SLC24A3: variants seen among roughly 807,000 people sequenced by gnomAD.
SLC24A3 encodes sodium/potassium/calcium exchanger 3.
A neutral mutation model predicts 75.8 loss-of-function variants in SLC24A3; 28 were observed. The ratio of observed to expected loss-of-function variants is 0.37; its 90% CI spans 0.27 to 0.51. SLC24A3 has a LOEUF of 0.51. Among genes scored for constraint, SLC24A3 ranks in the 20% least tolerant of loss-of-function variants. The probability of loss-of-function intolerance (pLI) is 0.94; values close to 1 mark genes in which losing one functional copy is unlikely to be tolerated. For missense variants in SLC24A3, 663 were observed against 847.8 expected (o/e 0.78, Z 2.71); for synonymous variants, 372 against 334.1 (o/e 1.11, Z -1.24).
In SLC24A3 at chr20:19,274,660, C is replaced by T. The variant is rs552835797; in HGVS notation, c.143-6299C>T. Reference sequence around the variant, plus strand: ...AAAATCTACCTGTACGAAGCCAGGGCCTCCACTGCTCCCCTCTTCATCCAC... The same window carrying T: ...AAAATCTACCTGTACGAAGCCAGGGTCTCCACTGCTCCCCTCTTCATCCAC... On this transcript the variant is annotated intron_variant, in intron 1 of 16. Coordinates refer to ENST00000328041, the MANE Select transcript of SLC24A3 (RefSeq NM_020689.4). 6.6e-4 allele frequency among the ~76,000 whole-genome samples: 100 copies of T among 152,308 alleles called. 1 individual carries two copies. Among genetic ancestry groups the T allele is most frequent in the African/African-American group, 1.9e-3 (77 of 41,580 alleles).
intron 6 of SLC24A3, among the ~76,000 whole-genome samples, chr20:19,628,542 A>C (rs1600309831): frequency 6.6e-6 from 1 of 152,284 alleles, no homozygotes; most frequent in Middle Eastern, 3.4e-3. Context: ...CTTCAGGAGG[A>C]AAAGAAAAAG....
At chr20:19,669,439 T>G (rs1024525706) in intron 8 of SLC24A3, among the ~76,000 whole-genome samples, 2 of 151,562 alleles carry the variant, frequency 1.3e-5, no homozygotes, top group African/African-American at 4.9e-5. Flanking sequence ...GCAGCGGAGG[T>G]TGCTGTGAGC....
intron 2 of SLC24A3, among the ~76,000 whole-genome samples, chr20:19,480,159 G>A (rs1432409339): frequency 2.0e-5 from 3 of 152,182 alleles, no homozygotes; most frequent in East Asian, 1.9e-4. Context: ...GGACTGAAAT[G>A]TGTTCAGTAT....
At chr20:19,481,979 G>A (rs1039293040) in intron 2 of SLC24A3, among the ~76,000 whole-genome samples, 3 of 151,960 alleles carry the variant, frequency 2.0e-5, no homozygotes, top group Admixed American at 6.5e-5. Flanking sequence ...TCTTCCTCCC[G>A]GGTTCCCACC....
rs767224054 is a variant in SLC24A3 at position 19,434,995 on chromosome 20, CT to C, written c.272-80491del. Among the ~76,000 whole-genome samples, 3 of 152,310 alleles carry C rather than the reference CT, an allele frequency of 2.0e-5. No individual in the cohort carries two copies. In the East Asian group the frequency reaches 5.8e-4, roughly 29 times the overall value. ...AAAAATTCAAAAAAGGCTATCTTTC[CT>C]TAGTCTTCCCCGTAGCTTGAGGTGC... On this transcript the variant is annotated intron_variant, in intron 2 of 16. Coordinates refer to ENST00000328041, the MANE Select transcript of SLC24A3 (RefSeq NM_020689.4).
chr20:19,249,068 G>A (rs78748874), intron 1 of SLC24A3, among the ~76,000 whole-genome samples: 10 of 151,908 alleles, frequency 6.6e-5, no homozygotes, highest in African/African-American at 2.2e-4. Context: ...TTGAGATAAC[G>A]AATATGTGAA....
chr20:19,626,893 G>C (rs560831587), intron 6 of SLC24A3, among the ~76,000 whole-genome samples: 54 of 152,280 alleles, frequency 3.5e-4, no homozygotes, highest in African/African-American at 1.2e-3. Flanking sequence ...CTGTCACGTA[G>C]AGCCAGTTGA....
At chr20:19,417,909 AG>A (rs1318228383) in intron 2 of SLC24A3, among the ~76,000 whole-genome samples, 2 of 152,194 alleles carry the variant, frequency 1.3e-5, no homozygotes, top group Non-Finnish European at 2.9e-5. Flanking sequence ...TGTACTCTCT[AG>A]GTAGGAAGTT....
intron 2 of SLC24A3, among the ~76,000 whole-genome samples, chr20:19,430,523 A>G (rs769008430): frequency 2.6e-5 from 4 of 152,182 alleles, no homozygotes; most frequent in African/African-American, 9.7e-5. Flanking sequence ...TTTATGTGGA[A>G]TTTAAAAACA....
At chr20:19,285,117 C>A (rs1983776766) in intron 2 of SLC24A3, among the ~76,000 whole-genome samples, 1 of 152,114 alleles carries the variant, frequency 6.6e-6, no homozygotes, top group Non-Finnish European at 1.5e-5. Flanking sequence ...CCAGAGAAAG[C>A]CCAGGGTGCT....
Position 19,507,163 on chromosome 20 carries a change from C to T in SLC24A3, c.272-8325C>T, listed in dbSNP as rs138678452. 5.3e-5 allele frequency among the ~76,000 whole-genome samples: 8 copies of T among 152,304 alleles called. No individual in the cohort carries two copies. In the East Asian group the frequency reaches 1.5e-3, roughly 29 times the overall value. On this transcript the variant is annotated intron_variant, in intron 2 of 16. Transcript: ENST00000328041. Reference sequence around the variant, plus strand: ...TTATTTATGACAAATGTGTTAATTGCCTCAACCAACACTATTAAGTGATTT... The same window carrying T: ...TTATTTATGACAAATGTGTTAATTGTCTCAACCAACACTATTAAGTGATTT...
chr20:19,711,787 G>A (rs564059750), intron 15 of SLC24A3, among the ~76,000 whole-genome samples: 55 of 152,040 alleles, frequency 3.6e-4, no homozygotes, highest in Middle Eastern at 3.4e-3. Flanking sequence ...CTACAGGTAC[G>A]CATCGCCATG....
chr20:19,214,824 TCCTA>T (rs958410460), intron 1 of SLC24A3, among the ~76,000 whole-genome samples: 21 of 152,296 alleles, frequency 1.4e-4, no homozygotes, highest in African/African-American at 4.6e-4. Flanking sequence ...CCTCCCTCTG[TCCTA>T]CCTTTCTCCT....
chr20:19,290,928 G>C (rs766862468), intron 2 of SLC24A3, among the ~76,000 whole-genome samples: 3 of 152,206 alleles, frequency 2.0e-5, no homozygotes, highest in Non-Finnish European at 4.4e-5. Flanking sequence ...TGGAGACCAC[G>C]GGTTTTGTTT....
chr20:19,253,350 G>C lies in SLC24A3; in HGVS notation c.143-27609G>C, dbSNP rs6045934. 1.8e-4 allele frequency among the ~76,000 whole-genome samples: 27 copies of C among 152,326 alleles called. 1 individual carries two copies. The South Asian group carries it at 4.6e-3, about 26-fold the overall frequency. On this transcript the variant is annotated intron_variant, in intron 1 of 16. Transcript: ENST00000328041. ...GCATGAAATTGTTTTAGACTCTGGG[G>C]TCTGATGAAGGTGTGCGCAGCACAG...
intron 2 of SLC24A3, among the ~76,000 whole-genome samples, chr20:19,460,728 T>C (rs977653462): frequency 3.3e-5 from 5 of 152,220 alleles, no homozygotes; most frequent in African/African-American, 9.6e-5. Flanking sequence ...GTTAGCCGTA[T>C]GGAAGGAGAG....
chr20:19,538,470 A>G (rs1022265499), intron 3 of SLC24A3, among the ~76,000 whole-genome samples: 1 of 152,204 alleles, frequency 6.6e-6, no homozygotes, highest in Admixed American at 6.5e-5. Context: ...AAGCAAAAAG[A>G]CTTGAACTTC....
chr20:19,696,593 C>T, intron 13 of SLC24A3: 1 of 461,890 alleles, frequency 2.2e-6, no homozygotes, highest in Non-Finnish European at 3.9e-6. Context: ...AGTTTGGGTC[C>T]TATTACAGCA....
intron 2 of SLC24A3, among the ~76,000 whole-genome samples, chr20:19,360,919 A>C (rs1401300869): frequency 6.6e-6 from 1 of 151,552 alleles, no homozygotes; most frequent in Non-Finnish European, 1.5e-5. Context: ...CTCTGCCTCC[A>C]GGGTTCACGC....
Sources: allele counts gnomAD v4.1 joint callset (sites outside exome capture counted in the v4.1 genomes callset), GRCh38; gene constraint gnomAD v4.1.1; transcripts MANE v1.5; gene names NCBI Gene and HGNC (gene_info 2026-07-23, HGNC 2026-07-21).